The following DPEP3 variants were observed in gnomAD, a reference collection of about 807,000 sequenced individuals.
DPEP3 encodes the protein membrane-bound dipeptidase 3.
DPEP3 carries 42 observed loss-of-function variants against 47.5 expected under a neutral mutation model. The ratio of observed to expected loss-of-function variants is 0.88; its 90% confidence interval spans 0.69 to 1.14. DPEP3 has a LOEUF of 1.14. DPEP3 is among the 50% of genes most tolerant of loss of function. The probability of loss-of-function intolerance (pLI) is 0.00; values close to 1 mark genes in which losing one functional copy is unlikely to be tolerated. For missense variants in DPEP3, 560 were observed against 635.0 expected, an observed-to-expected ratio of 0.88 and a Z score of 1.27; for synonymous variants, 276 against 270.2, an observed-to-expected ratio of 1.02 and a Z score of -0.21.
At position 67,975,921 on chromosome 16, in the gene DPEP3, G is replaced by A. The variant is rs766665855; in HGVS notation, c.1311C>T (p.His437=). ...CCTGGTGTCCATTCTGAGGCACGAG[G>A]TGGGAGTGGCAGGATGTGCTCAGTT... ...YGQLSTSCHS[H]LVPQNGHQAT... is the part of the protein sequence containing the mutation. Residue 437 remains histidine, a synonymous_variant, in exon 10 of 10, where the codon CAC becomes CAT. Coordinates refer to ENST00000268793, the MANE Select transcript of DPEP3 (RefSeq NM_001370198.1). 8.7e-6 allele frequency: 14 copies of A among 1,613,958 alleles called. No individual in the cohort carries two copies. The South Asian group carries it at 1.4e-4, about 16-fold the overall frequency.
At chr16:67,976,256 G>A (rs1368628797) in intron 8 of DPEP3, 28 bp from the exon 9 acceptor site, 1 of 1,613,088 alleles carries the variant, frequency 6.2e-7, no homozygotes, top group Non-Finnish European at 8.5e-7. Context: ...AGCCAGCTGT[G>A]GGACCTTAGC....
In DPEP3 at chr16:67,980,035, C is replaced by T; in HGVS notation, c.287+59G>A. ...GCCTCCTTGATAGCATGCTCAGAACCTCCTCTCCTGCCCAAGGGTGTGCTC... is the reference window on the plus strand; with the variant it reads ...GCCTCCTTGATAGCATGCTCAGAACTTCCTCTCCTGCCCAAGGGTGTGCTC... On this transcript the variant is annotated intron_variant, in intron 1 of 9. Coordinates refer to ENST00000268793, the MANE Select transcript of DPEP3 (RefSeq NM_001370198.1). 1.9e-6 allele frequency: 3 copies of T among 1,547,232 alleles called. No individual in the cohort carries two copies. In the African/African-American group the frequency reaches 4.1e-5, roughly 21 times the overall value.
rs2031216148 is a variant in DPEP3, at chr16:67,977,270, C to G, written c.1018G>C (p.Asp340His). Reference protein sequence around the residue: ...NLLANVSTVADHFDHIRAVIG... With the variant: ...NLLANVSTVAHHFDHIRAVIG... ...TGCACAAAGCTGAGGTGGGACTTAC[C>G]TGCCACAGTGGACACGTTAGCAAGC... The change falls in exon 7 of 10, where the codon GAT becomes CAT. Residue 340 changes from aspartate (D) to histidine (H), a missense_variant and splice_region_variant. Asp to His is a moderately conservative substitution (Grantham distance 81). Transcript: ENST00000268793. 6.2e-7 allele frequency: 1 copy of G among 1,613,696 alleles called. No individual in the cohort carries two copies. The highest frequency in any genetic ancestry group is 2.2e-5 in the East Asian group (1 of 44,876).
chr16:67,978,005 G>A lies in DPEP3; in HGVS notation c.689C>T (p.Ala230Val), dbSNP rs772445351. 4 of 1,613,928 alleles carry A rather than the reference G, an allele frequency of 2.5e-6. No homozygotes were observed. Among genetic ancestry groups the A allele is most frequent in the Non-Finnish European group, 3.4e-6 (4 of 1,179,852 alleles). ...GTGTCTGAACTTGGTGGAACTCTCTGCCCTGCAGGACAGCCATGGAAGGGC... is the reference window on the plus strand; with the variant it reads ...GTGTCTGAACTTGGTGGAACTCTCTACCCTGCAGGACAGCCATGGAAGGGC... ...TLTFTCSTPW[A>V]ESSTKFRHHM... Residue 230 changes from alanine to valine, a missense_variant and splice_region_variant, in exon 5 of 10, where the codon GCA becomes GTA. Coordinates refer to ENST00000268793, the MANE Select transcript of DPEP3 (RefSeq NM_001370198.1). The surrounding 1 kb of genome is among the most constrained non-coding windows in gnomAD (Gnocchi z 4.4).
At position 67,978,730 on chromosome 16, in the gene DPEP3, C is replaced by T. The variant is rs532289726; in HGVS notation, c.415-104G>A. The stretch of plus-strand genomic sequence containing the variant: ...CCATAACACCCATTTGGGTCAGTGG[C>T]CCCAAGTGAGGCACTACATGACTCC... On this transcript the variant is annotated intron_variant, in intron 2 of 9. Transcript: ENST00000268793. The surrounding 1 kb of genome is among the most constrained non-coding windows in gnomAD (Gnocchi z 4.4). The T allele has an allele frequency of 3.6e-5, 51 of 1,418,260 alleles. 1 individual carries two copies. In the South Asian group the frequency reaches 6.1e-4, roughly 17 times the overall value. The allele number at this position is 1,418,260 out of a possible 1,614,324, so 87.9% of individuals were successfully genotyped here.
At position 67,978,546 on chromosome 16, in the gene DPEP3, G is replaced by C. The variant is rs2031252851; in HGVS notation, c.495C>G (p.His165Gln). Residue 165 changes from histidine to glutamine, a missense_variant, in exon 3 of 10, where the codon CAC becomes CAG. His to Gln is a conservative substitution (Grantham distance 24). Transcript: ENST00000268793. The surrounding 1 kb of genome is among the most constrained non-coding windows in gnomAD (Gnocchi z 4.4). ...GTTCAGAGTAGGAGGCACACATGCG[G>C]TGAATGAGGTCAATCTGCTCCAGGG... ...RLALEQIDLIHRMCASYSELE... is the reference protein window; with the variant it reads ...RLALEQIDLIQRMCASYSELE... 1 of 1,614,008 alleles carries C rather than the reference G, an allele frequency of 6.2e-7. No individual in the cohort carries two copies. The highest frequency in any genetic ancestry group is 8.5e-7 in the Non-Finnish European group (1 of 1,180,010).
chr16:67,976,920 C>T (rs992280455), intron 7 of DPEP3, 145 bp from the exon 8 acceptor site: 2 of 715,606 alleles, frequency 2.8e-6, no homozygotes, highest in African/African-American at 3.5e-5. Flanking sequence ...AGGCTGGTCA[C>T]TGGACCTAGA....
At chr16:67,979,983 G>T in intron 1 of DPEP3, 111 bp downstream of exon 1, 1 of 1,428,152 alleles carries the variant, frequency 7.0e-7, no homozygotes, top group Non-Finnish European at 9.4e-7. Context: ...GGGCATCCAG[G>T]GGTGGTGTGA....
chr16:67,977,723 A>G lies in DPEP3; in HGVS notation c.863T>C (p.Phe288Ser), dbSNP rs764564914. ...VLEVSQAPVIFSHSAARAVCD... is the reference protein window; with the variant it reads ...VLEVSQAPVISSHSAARAVCD... ...CACAGCTCTGGCAGCTGAGTGGGAG[A>G]AGATCACAGGAGCCTGAGACACTTC... Residue 288 changes from phenylalanine (F) to serine (S), a missense_variant, in exon 6 of 10, where the codon TTC becomes TCC. Coordinates refer to ENST00000268793, the MANE Select transcript of DPEP3 (RefSeq NM_001370198.1). The G allele has an allele frequency of 1.2e-6, 2 of 1,613,242 alleles. No individual in the cohort carries two copies. The highest frequency in any genetic ancestry group is 1.7e-6 in the Non-Finnish European group (2 of 1,179,454).
chr16:67,977,891 T>C (rs1202599564), intron 5 of DPEP3, 47 bp downstream of exon 5: 1 of 1,613,810 alleles, frequency 6.2e-7, no homozygotes, highest in Admixed American at 1.7e-5. Flanking sequence ...TGTACACACA[T>C]ATCCGTAGGC....
chr16:67,977,431 G>C, intron 6 of DPEP3, 77 bp from the exon 7 acceptor site: 2 of 1,455,944 alleles, frequency 1.4e-6, no homozygotes, highest in Non-Finnish European at 1.9e-6. Context: ...GGCCCTGGTA[G>C]GACTGTGCTC....
intron 1 of DPEP3, 92 bp downstream of exon 1, chr16:67,980,002 C>T: frequency 1.3e-6 from 2 of 1,492,456 alleles, no homozygotes; most frequent in South Asian, 2.7e-5. Flanking sequence ...GAGGGAGCCT[C>T]CTTGATAGCC....
intron 8 of DPEP3, 23 bp from the exon 9 acceptor site, chr16:67,976,251 G>C (rs1344322143): frequency 1.9e-6 from 3 of 1,613,516 alleles, no homozygotes. Context: ...CCACCAGCCA[G>C]CTGTGGGACC....
At chr16:67,977,515 C>A (rs1348446978) in intron 6 of DPEP3, 138 bp downstream of exon 6, 7 of 1,317,002 alleles carry the variant, frequency 5.3e-6, no homozygotes, top group Middle Eastern at 1.9e-4. Context: ...ATTACTTGGC[C>A]TTAAGTTTCA....
Position 67,980,246 on chromosome 16 carries a change from G to A in DPEP3, c.135C>T (p.Ala45=), listed in dbSNP as rs2031295118. The A allele has an allele frequency of 6.2e-7, 1 of 1,605,800 alleles. No homozygotes were observed. The change falls in exon 1 of 10, where the codon GCC becomes GCT. Residue 45 remains alanine, a synonymous_variant. Coordinates refer to ENST00000268793, the MANE Select transcript of DPEP3 (RefSeq NM_001370198.1). Reference sequence around the variant, plus strand: ...GGCTGGGGGAGCCCAGCGTGGAGAGGGCTCTGGGGGCGCCCGGCGTGGTCT... The same window carrying A: ...GGCTGGGGGAGCCCAGCGTGGAGAGAGCTCTGGGGGCGCCCGGCGTGGTCT... ...RAETTPGAPR[A]LSTLGSPSLF... is the part of the protein sequence containing the mutation.
Position 67,979,780 on chromosome 16 carries a change from G to A in DPEP3, c.288-15C>T. ...GGTCATTGTGGCTGGGGGTGTGAAG[G>A]TCAGATGGAAACACCGCCTCCAGAT... On this transcript the variant is annotated splice_polypyrimidine_tract_variant and intron_variant, in intron 1 of 9. Coordinates refer to ENST00000268793, the MANE Select transcript of DPEP3 (RefSeq NM_001370198.1). 1.2e-6 allele frequency: 2 copies of A among 1,613,370 alleles called. No homozygotes were observed. Among genetic ancestry groups the A allele is most frequent in the South Asian group, 1.1e-5 (1 of 91,014 alleles).
Position 67,978,106 on chromosome 16 carries a change from G to C in DPEP3, c.687-99C>G. The C allele has an allele frequency of 1.3e-6, 2 of 1,576,392 alleles. No homozygotes were observed. Among genetic ancestry groups the C allele is most frequent in the South Asian group, 1.1e-5 (1 of 89,890 alleles). On this transcript the variant is annotated intron_variant, in intron 4 of 9. Transcript: ENST00000268793. The surrounding 1 kb of genome is among the most constrained non-coding windows in gnomAD (Gnocchi z 4.4). ...ATCCATCCATCCTGCTTCCAGAACA[G>C]GTGCAGAACCAGCTGCTTTCTGGGA...
At chr16:67,980,009 A>G in intron 1 of DPEP3, 85 bp downstream of exon 1, 1 of 1,509,912 alleles carries the variant, frequency 6.6e-7, no homozygotes, top group South Asian at 1.3e-5. Context: ...CCTCCTTGAT[A>G]GCCTCCTTGA....
rs949561994 is a variant in DPEP3, at chr16:67,978,367, C to T, written c.586G>A (p.Glu196Lys). Residue 196 changes from glutamate to lysine, a missense_variant, in exon 4 of 10, where the codon GAG (glutamate) becomes AAG (lysine). Glu to Lys is a moderately conservative substitution (Grantham distance 56). Transcript: ENST00000268793. The surrounding 1 kb of genome is among the most constrained non-coding windows in gnomAD (Gnocchi z 4.4). ...CTGCTGTCCAGTGAGTGACCACCCTCCACGCCAATGAGGCAGGCCAGCTTT... is the reference window on the plus strand; with the variant it reads ...CTGCTGTCCAGTGAGTGACCACCCTTCACGCCAATGAGGCAGGCCAGCTTT... ...SQKLACLIGV[E>K]GGHSLDSSLS... 10 of 1,614,098 alleles carry T rather than the reference C, an allele frequency of 6.2e-6. No homozygotes were observed. In the Admixed American group the frequency reaches 6.7e-5, roughly 11 times the overall value.
Sources: allele counts gnomAD v4.1 joint callset, GRCh38; gene constraint gnomAD v4.1.1; non-coding constraint Gnocchi (gnomAD v3.1); transcripts MANE v1.5; gene names NCBI Gene and HGNC (gene_info 2026-07-23, HGNC 2026-07-21).